The following CCDC7 variants were observed in gnomAD, a reference collection of about 807,000 sequenced individuals.
CCDC7 encodes the protein coiled-coil domain-containing protein 7.
A neutral mutation model predicts 196.9 loss-of-function variants in CCDC7; 183 were observed. The observed-to-expected ratio is 0.93, with a 90% CI of 0.82 to 1.05. CCDC7 has a LOEUF of 1.05. Ranked by LOEUF, CCDC7 falls within the 50% of genes least tolerant of loss-of-function variation. The probability of loss-of-function intolerance (pLI) is 0.00; values close to 1 mark genes in which losing one functional copy is unlikely to be tolerated. For synonymous variants in CCDC7, 525 were observed against 484.6 expected (o/e 1.08, Z -1.10); for missense variants, 1,540 against 1,482.2 (o/e 1.04, Z -0.64).
chr10:32,659,414 T>G (rs2070741315), intron 20 of CCDC7, among the ~76,000 whole-genome samples: 1 of 152,232 alleles, frequency 6.6e-6, no homozygotes, highest in South Asian at 2.1e-4. Context: ...GATTTCAGCC[T>G]TCTAAAATTT....
At chr10:32,680,157 G>A (rs564256823) in intron 21 of CCDC7, among the ~76,000 whole-genome samples, 1 of 152,176 alleles carries the variant, frequency 6.6e-6, no homozygotes, top group African/African-American at 2.4e-5. Flanking sequence ...GAAGGCAGTT[G>A]TTTCTTTTTT....
At chr10:32,574,944 T>C (rs1019663705) in intron 16 of CCDC7, among the ~76,000 whole-genome samples, 5 of 152,210 alleles carry the variant, frequency 3.3e-5, no homozygotes, top group African/African-American at 1.2e-4. Context: ...AGAGATACTT[T>C]TGTCACCTTC....
At chr10:32,745,842 G>A (rs73243808) in intron 28 of CCDC7, among the ~76,000 whole-genome samples, 6,943 of 152,180 alleles carry the variant, frequency 0.046, 534 homozygotes, top group African/African-American at 0.16. Context: ...CTAACTCTAA[G>A]CATATAATCT....
At chr10:32,620,243 G>T (rs940446467) in intron 18 of CCDC7, among the ~76,000 whole-genome samples, 7 of 151,898 alleles carry the variant, frequency 4.6e-5, no homozygotes, top group African/African-American at 1.7e-4. Flanking sequence ...TTTTAATTCT[G>T]TTATTGCATT....
At chr10:32,719,885 A>G (rs998123895) in intron 25 of CCDC7, among the ~76,000 whole-genome samples, 1 of 152,200 alleles carries the variant, frequency 6.6e-6, no homozygotes, top group Non-Finnish European at 1.5e-5. Flanking sequence ...GCTGGAGAGG[A>G]TGTGGAGAAA....
chr10:32,453,727 G>C (rs1354850557), intron 2 of CCDC7, among the ~76,000 whole-genome samples: 1 of 152,148 alleles, frequency 6.6e-6, no homozygotes, highest in African/African-American at 2.4e-5. Flanking sequence ...GGGGCCACAG[G>C]AACTCTCATA....
intron 20 of CCDC7, among the ~76,000 whole-genome samples, chr10:32,650,125 C>T (rs1305495503): frequency 6.6e-6 from 1 of 152,154 alleles, no homozygotes; most frequent in East Asian, 1.9e-4. Flanking sequence ...GATTTGTTCT[C>T]ATCTGGGAGG....
chr10:32,457,712 A>G (rs1383569092), intron 3 of CCDC7, among the ~76,000 whole-genome samples: 1 of 151,920 alleles, frequency 6.6e-6, no homozygotes, highest in African/African-American at 2.4e-5. Flanking sequence ...TTTCTTTTTG[A>G]TAATAGCCAT....
At chr10:32,531,164 C>T (rs1199877630) in intron 11 of CCDC7, among the ~76,000 whole-genome samples, 3 of 151,920 alleles carry the variant, frequency 2.0e-5, no homozygotes, top group African/African-American at 7.3e-5. Context: ...ATTCTGTCAC[C>T]CAGGCTGGAG....
intron 8 of CCDC7, among the ~76,000 whole-genome samples, chr10:32,484,562 G>C (rs898444725): frequency 6.6e-6 from 1 of 152,068 alleles, no homozygotes; most frequent in Non-Finnish European, 1.5e-5. Flanking sequence ...GGAGGGCATT[G>C]CTGTCTTGTG....
chr10:32,596,855 C>G lies in CCDC7; in HGVS notation c.1801+12551C>G, dbSNP rs533632424. The stretch of plus-strand genomic sequence containing the variant: ...CTTTAAGAATGTTGAATATTGGCCC[C>G]CACTCTCTTCTGGCTTGTAGAGTTT... On this transcript the variant is annotated intron_variant, in intron 18 of 41. Transcript: ENST00000639629. 2.0e-3 allele frequency among the ~76,000 whole-genome samples: 312 copies of G among 152,246 alleles called. 1 individual carries two copies. Among genetic ancestry groups the G allele is most frequent in the Non-Finnish European group, 3.8e-3 (260 of 68,026 alleles).
Position 32,698,888 on chromosome 10 carries a change from A to G in CCDC7, c.2458+3896A>G, listed in dbSNP as rs560402640. ...GTTACTCCTCGAGAAGAGCATCTCC[A>G]AGACACATAATTGTCAGATTCACCA... On this transcript the variant is annotated intron_variant, in intron 24 of 41. Transcript: ENST00000639629. Among the ~76,000 whole-genome samples, 3 of 152,270 alleles carry G rather than the reference A, an allele frequency of 2.0e-5. No individual in the cohort carries two copies. In the South Asian group the frequency reaches 6.2e-4, roughly 32 times the overall value.
intron 18 of CCDC7, among the ~76,000 whole-genome samples, chr10:32,622,330 G>T (rs1404590062): frequency 6.6e-6 from 1 of 151,918 alleles, no homozygotes; most frequent in Non-Finnish European, 1.5e-5. Context: ...GGAAATATGA[G>T]ATTTAATGAA....
intron 41 of CCDC7, among the ~76,000 whole-genome samples, chr10:32,868,133 T>C (rs1284756280): frequency 6.6e-6 from 1 of 152,020 alleles, no homozygotes; most frequent in Non-Finnish European, 1.5e-5. Context: ...TTACATTGTA[T>C]GTATATACCA....
At chr10:32,809,916 G>T (rs1356142545) in intron 30 of CCDC7, among the ~76,000 whole-genome samples, 1 of 136,318 alleles carries the variant, frequency 7.3e-6, no homozygotes, top group East Asian at 2.2e-4. Flanking sequence ...CTACTATAAA[G>T]ACACATGCAC....
At chr10:32,751,374 A>C (rs977706693) in intron 28 of CCDC7, among the ~76,000 whole-genome samples, 9 of 152,048 alleles carry the variant, frequency 5.9e-5, no homozygotes, top group African/African-American at 2.2e-4. Flanking sequence ...CGATTTATTT[A>C]ATGGCATGGG....
At chr10:32,477,244 C>G (rs1156969132) in intron 8 of CCDC7, among the ~76,000 whole-genome samples, 2 of 150,860 alleles carry the variant, frequency 1.3e-5, no homozygotes, top group Non-Finnish European at 2.9e-5. Context: ...GAGTCTCGCT[C>G]TGTCGCTGGA....
chr10:32,517,857 A>C (rs575666860), intron 9 of CCDC7, 88 bp from the exon 11 acceptor site: 1 of 1,483,838 alleles, frequency 6.7e-7, no homozygotes, highest in Admixed American at 2.0e-5. Context: ...ACTGAATACC[A>C]AAAGAAAAAA....
At chr10:32,657,422 C>T (rs57236165) in intron 20 of CCDC7, among the ~76,000 whole-genome samples, 13,565 of 152,316 alleles carry the variant, frequency 0.089, 862 homozygotes, top group East Asian at 0.33. Flanking sequence ...GTTCCCAAAT[C>T]TCAATTCTTG....
Sources: gnomAD v4.1 joint callset for allele counts (sites outside exome capture counted in the v4.1 genomes callset) on GRCh38, gnomAD v4.1.1 for gene constraint, MANE v1.5 for transcripts, NCBI Gene and HGNC (gene_info 2026-07-23, HGNC 2026-07-21) for gene names.